COQ8A: variants seen among roughly 807,000 people sequenced by gnomAD.
COQ8A encodes atypical kinase COQ8A, mitochondrial.
Under a neutral mutation model 65.0 loss-of-function variants are expected in COQ8A, and 51 were observed. That is an observed-to-expected ratio of 0.78 (90% CI 0.63 to 0.99). The LOEUF is 0.99. COQ8A is among the 50% of genes least tolerant of loss of function. The probability of loss-of-function intolerance (pLI) is 0.00; values close to 1 mark genes in which losing one functional copy is unlikely to be tolerated. For missense variants in COQ8A, 940 were observed against 875.0 expected, an observed-to-expected ratio of 1.07 and a Z score of -0.94; for synonymous variants, 371 against 353.2, an observed-to-expected ratio of 1.05 and a Z score of -0.57.
chr1:226,965,362 G>C lies in COQ8A; in HGVS notation c.540G>C (p.Lys180Asn). Residue 180 changes from lysine (K) to asparagine (N), a missense_variant, in exon 3 of 15, where the codon AAG becomes AAC. Lys to Asn is a moderately conservative substitution (Grantham distance 94, BLOSUM62 0). Coordinates refer to ENST00000366777, the MANE Select transcript of COQ8A (RefSeq NM_020247.5). ...VGGLTAEDIEKARQAKARPEN... is the reference protein window; with the variant it reads ...VGGLTAEDIENARQAKARPEN... ...GCCTCACAGCCGAGGACATTGAGAA[G>C]GCCCGGCAGGCTAAGGCTCGCCCCG... 6.2e-7 allele frequency: 1 copy of C among 1,612,614 alleles called. No individual in the cohort carries two copies.
At chr1:226,983,238 CAGAG>C in intron 8 of COQ8A, 2 of 863,190 alleles carry the variant, frequency 2.3e-6, no homozygotes, top group Non-Finnish European at 3.5e-6. Flanking sequence ...TTTGGGGGCA[CAGAG>C]GGGCCCCCAG....
intron 2 of COQ8A, among the ~76,000 whole-genome samples, chr1:226,962,745 C>G (rs529532944): frequency 6.6e-6 from 1 of 152,346 alleles, no homozygotes; most frequent in East Asian, 1.9e-4. Context: ...TGGCTGTCAC[C>G]AAGCATACCT....
At position 226,982,155 on chromosome 1, in the gene COQ8A, TGGGCGCGG is replaced by T. The variant is rs1240778044; in HGVS notation, c.853+11_853+18del. 6.3e-7 allele frequency: 1 copy of T among 1,576,348 alleles called. No individual in the cohort carries two copies. Among genetic ancestry groups the T allele is most frequent in the East Asian group, 2.4e-5 (1 of 42,294 alleles). On this transcript the variant is annotated splice_region_variant and intron_variant, in intron 6 of 14. Transcript: ENST00000366777. ...CCAGATGCTGAGCATCCAGGGTGAG[TGGGCGCGG>T]GGGCTGCTGCCCCGGGACTGCGTGG...
rs777584892 is a variant in COQ8A at position 226,985,280 on chromosome 1, C to A, written c.1599C>A (p.Asp533Glu). The change falls in exon 14 of 15, where the codon GAC becomes GAA. Residue 533 changes from aspartate to glutamate, a missense_variant. By Grantham distance (45) the Asp-to-Glu change is conservative (BLOSUM62 2). Transcript: ENST00000366777. Reference protein sequence around the residue: ...IQIIRAAADRDRETVRAKSIE... With the variant: ...IQIIRAAADRERETVRAKSIE... ...TCATCAGGGCTGCTGCCGACAGGGA[C>A]AGGGAGACTGTGCGGGCGAAATCCA... The A allele has an allele frequency of 5.6e-6, 9 of 1,613,686 alleles. No homozygotes were observed. The highest frequency in any genetic ancestry group is 7.6e-6 in the Non-Finnish European group (9 of 1,180,032).
intron 1 of COQ8A, among the ~76,000 whole-genome samples, chr1:226,940,960 C>T (rs539390091): frequency 1.3e-5 from 2 of 152,282 alleles, no homozygotes; most frequent in Admixed American, 6.5e-5. Flanking sequence ...TCCTTTCTTC[C>T]TTTCGCTTTT....
chr1:226,942,736 T>TGTG (rs1354191429), intron 1 of COQ8A, among the ~76,000 whole-genome samples: 1 of 152,178 alleles, frequency 6.6e-6, no homozygotes, highest in East Asian at 1.9e-4. Flanking sequence ...GGGTATGATT[T>TGTG]GTGGAGTTCT....
In COQ8A at chr1:226,984,218, CAGG is replaced by C. The variant is rs1659925956; in HGVS notation, c.1384_1386del (p.Glu462del). 1 of 1,613,614 alleles carries C rather than the reference CAGG, an allele frequency of 6.2e-7. No individual in the cohort carries two copies. The highest frequency in any genetic ancestry group is 8.5e-7 in the Non-Finnish European group (1 of 1,180,008). On this transcript the variant is annotated inframe_deletion, in exon 11 of 15. Transcript: ENST00000366777. ...CCTGGACCAGGCCGAAGGGCTCAGC[CAGG>C]AGATTCGGAACGAGGTTTGTCTGTG...
At chr1:226,969,492 TCC>T (rs1658761051) in intron 4 of COQ8A, among the ~76,000 whole-genome samples, 4 of 152,196 alleles carry the variant, frequency 2.6e-5, no homozygotes, top group Non-Finnish European at 4.4e-5. Context: ...CGCCTCGGCC[TCC>T]TAAAGTGCTA....
chr1:226,986,213 G>A (rs901663251), intron 14 of COQ8A, among the ~76,000 whole-genome samples: 2 of 151,922 alleles, frequency 1.3e-5, no homozygotes, highest in African/African-American at 4.8e-5. Context: ...GAGGCGGGAC[G>A]CATCCTCTGC....
rs568797065 is a variant in COQ8A, at chr1:226,948,687, G to C, written c.-10+8288G>C. On this transcript the variant is annotated intron_variant, in intron 1 of 14. Transcript: ENST00000366777. ...AATTTGTGTGGGTGGATCACTCTGT[G>C]TGTGTGGGTGGAGTGGGAAGAGTCA... is the stretch of plus-strand genomic sequence containing the variant. Among the ~76,000 whole-genome samples the C allele has an allele frequency of 7.9e-5, 12 of 152,300 alleles. No individual in the cohort carries two copies. In the South Asian group the frequency reaches 2.5e-3, roughly 32 times the overall value.
At position 226,972,936 on chromosome 1, in the gene COQ8A, C is replaced by T. The variant is rs1044724436; in HGVS notation, c.656-4513C>T. Among the ~76,000 whole-genome samples the T allele has an allele frequency of 2.6e-5, 4 of 152,242 alleles. No homozygotes were observed. The highest frequency in any genetic ancestry group is 9.6e-5 in the African/African-American group (4 of 41,460). On this transcript the variant is annotated intron_variant, in intron 4 of 14. Coordinates refer to ENST00000366777, the MANE Select transcript of COQ8A (RefSeq NM_020247.5). The surrounding 1 kb of genome is among the most constrained non-coding windows in gnomAD (Gnocchi z 4.3). ...TAGTTTTGTGAAAGACTCACAGTATCACTTGGTTTCTGGACACGGTTCGAG... is the reference window on the plus strand; with the variant it reads ...TAGTTTTGTGAAAGACTCACAGTATTACTTGGTTTCTGGACACGGTTCGAG...
intron 4 of COQ8A, among the ~76,000 whole-genome samples, chr1:226,976,451 G>A (rs1490584040): frequency 6.6e-6 from 1 of 152,068 alleles, no homozygotes; most frequent in Non-Finnish European, 1.5e-5. Context: ...GGGCTGCGAT[G>A]TTGCCCGGGT....
intron 8 of COQ8A, 39 bp from the exon 9 acceptor site, chr1:226,983,513 C>T: frequency 6.3e-7 from 1 of 1,593,214 alleles, no homozygotes. Flanking sequence ...CCACCCGTCT[C>T]CCTGGGCTAA....
chr1:226,964,769 A>T (rs1486878811), intron 2 of COQ8A, among the ~76,000 whole-genome samples: 2 of 152,226 alleles, frequency 1.3e-5, no homozygotes, highest in Non-Finnish European at 2.9e-5. Context: ...GTAGGTGCTC[A>T]GTGTCCCACC....
Position 226,949,541 on chromosome 1 carries a change from A to G in COQ8A, c.-10+9142A>G, listed in dbSNP as rs556292366. Among the ~76,000 whole-genome samples, 6 of 152,274 alleles carry G rather than the reference A, an allele frequency of 3.9e-5. No individual in the cohort carries two copies. The East Asian group carries it at 1.2e-3, about 29-fold the overall frequency. ...GTCCCTGGTTTCGAAGCAGGCTGCC[A>G]GCACTTTGGACTGCCTCTCCTGAAT... On this transcript the variant is annotated intron_variant, in intron 1 of 14. Transcript: ENST00000366777. This position sits in a 1 kb window ranked among gnomAD's most constrained non-coding sequence, Gnocchi z 4.0.
chr1:226,949,281 A>C lies in COQ8A; in HGVS notation c.-10+8882A>C, dbSNP rs1657234186. Among the ~76,000 whole-genome samples, 1 of 152,114 alleles carries C rather than the reference A, an allele frequency of 6.6e-6. No homozygotes were observed. Among genetic ancestry groups the C allele is most frequent in the African/African-American group, 2.4e-5 (1 of 41,432 alleles). On this transcript the variant is annotated intron_variant, in intron 1 of 14. Transcript: ENST00000366777. The surrounding 1 kb of genome is among the most constrained non-coding windows in gnomAD (Gnocchi z 4.0). ...TTGGGTTTTATATATATGTCTACATACATGTCTACAGGTAGAGGAGCCATT... is the reference window on the plus strand; with the variant it reads ...TTGGGTTTTATATATATGTCTACATCCATGTCTACAGGTAGAGGAGCCATT...
chr1:226,971,280 C>T (rs139197415), intron 4 of COQ8A, among the ~76,000 whole-genome samples: 4,689 of 150,872 alleles, frequency 0.031, 260 homozygotes, highest in African/African-American at 0.11. Flanking sequence ...TAGCTGGGCA[C>T]GGTGGCTCAT....
chr1:226,964,017 C>T (rs760372690), intron 2 of COQ8A, among the ~76,000 whole-genome samples: 3 of 152,220 alleles, frequency 2.0e-5, no homozygotes, highest in African/African-American at 7.2e-5. Flanking sequence ...GCACATCAGC[C>T]GTCTTTGCCT....
intron 4 of COQ8A, among the ~76,000 whole-genome samples, chr1:226,969,232 A>G (rs1469991655): frequency 6.6e-6 from 1 of 152,170 alleles, no homozygotes; most frequent in Non-Finnish European, 1.5e-5. Context: ...GGATTTACCT[A>G]CTTTTAGTCT....
Sources: gnomAD v4.1 joint callset for allele counts (sites outside exome capture counted in the v4.1 genomes callset) on GRCh38, gnomAD v4.1.1 for gene constraint, Gnocchi (gnomAD v3.1) non-coding constraint, MANE v1.5 for transcripts, NCBI Gene and HGNC (gene_info 2026-07-23, HGNC 2026-07-21) for gene names.